TYW1B: variants seen among roughly 807,000 people sequenced by gnomAD.
TYW1B encodes the protein tRNA-yW synthesizing protein 1 homolog B.
TYW1B carries 73 observed loss-of-function variants against 86.9 expected under a neutral mutation model. The observed-to-expected ratio is 0.84, with a 90% CI of 0.70 to 1.02. The LOEUF is 1.02. Ranked by LOEUF, TYW1B falls within the 50% of genes least tolerant of loss-of-function variation. TYW1B has a pLI of 0.00. For synonymous variants in TYW1B, 248 were observed against 292.8 expected, an observed-to-expected ratio of 0.85 and a Z score of 1.56; for missense variants, 637 against 827.4, an observed-to-expected ratio of 0.77 and a Z score of 2.82.
intron 10 of TYW1B, among the ~76,000 whole-genome samples, chr7:72,703,052 T>C (rs1814527011): frequency 7.2e-6 from 1 of 139,530 alleles, no homozygotes; most frequent in Admixed American, 7.4e-5. Flanking sequence ...TGAGATGGAG[T>C]CTCGCTCTTT....
chr7:72,782,893 T>C (rs1554471860), intron 6 of TYW1B, among the ~76,000 whole-genome samples: 1 of 151,954 alleles, frequency 6.6e-6, no homozygotes, highest in East Asian at 1.9e-4. Flanking sequence ...AAGAAAAGAT[T>C]GGCTATAGAA....
intron 11 of TYW1B, among the ~76,000 whole-genome samples, chr7:72,686,964 A>G (rs1554449543): frequency 1.3e-5 from 2 of 152,210 alleles, no homozygotes; most frequent in Non-Finnish European, 2.9e-5. Flanking sequence ...TTGAAAAATA[A>G]TAATAACAAC....
intron 7 of TYW1B, among the ~76,000 whole-genome samples, chr7:72,754,715 G>A (rs1787558392): frequency 6.6e-6 from 1 of 152,138 alleles, no homozygotes; most frequent in African/African-American, 2.4e-5. Context: ...TGGGACTACA[G>A]GTGTGAGCCA....
At chr7:72,643,752 T>C (rs1325319796) in intron 11 of TYW1B, among the ~76,000 whole-genome samples, 1 of 152,182 alleles carries the variant, frequency 6.6e-6, no homozygotes, top group East Asian at 1.9e-4. Flanking sequence ...AAATGAAATG[T>C]ACAAAGTCTT....
intron 11 of TYW1B, among the ~76,000 whole-genome samples, chr7:72,665,186 A>T (rs1813431729): frequency 6.6e-6 from 1 of 152,210 alleles, no homozygotes; most frequent in Non-Finnish European, 1.5e-5. Context: ...GAGTTATGCA[A>T]ATAATTTTAA....
chr7:72,781,171 G>A lies in TYW1B; in HGVS notation c.847-3638C>T, dbSNP rs1350676745. ...CCCCAGGTTGTAGGTCAGGTAACTC[G>A]AGCACAGATGAACCCAGTGTGCCCA... On this transcript the variant is annotated intron_variant, in intron 6 of 13. Coordinates refer to ENST00000620995, the MANE Select transcript of TYW1B (RefSeq NM_001145440.3). Among the ~76,000 whole-genome samples, 5 of 152,114 alleles carry A rather than the reference G, an allele frequency of 3.3e-5. No homozygotes were observed. The South Asian group carries it at 8.3e-4, about 25-fold the overall frequency.
At chr7:72,679,002 T>C (rs1304016446) in intron 11 of TYW1B, among the ~76,000 whole-genome samples, 2 of 152,012 alleles carry the variant, frequency 1.3e-5, no homozygotes, top group African/African-American at 4.8e-5. Context: ...CTTGGGGGAC[T>C]GAGGTGGGAA....
intron 11 of TYW1B, among the ~76,000 whole-genome samples, chr7:72,692,400 A>C (rs1554450508): frequency 6.6e-6 from 1 of 151,958 alleles, no homozygotes; most frequent in Non-Finnish European, 1.5e-5. Flanking sequence ...CTGTGGTCCC[A>C]GTACTTGGGA....
chr7:72,628,221 T>C (rs1428600246), intron 12 of TYW1B, among the ~76,000 whole-genome samples: 1 of 152,190 alleles, frequency 6.6e-6, no homozygotes, highest in Non-Finnish European at 1.5e-5. Context: ...AGTTGGAGGC[T>C]GCAGTAAGCT....
intron 11 of TYW1B, among the ~76,000 whole-genome samples, chr7:72,649,180 CAA>C (rs1813003333): frequency 6.6e-6 from 1 of 152,020 alleles, no homozygotes; most frequent in African/African-American, 2.4e-5. Flanking sequence ...TGAGAATACT[CAA>C]AGAACGAATG....
At chr7:72,717,299 T>TG (rs201654201) in intron 9 of TYW1B, among the ~76,000 whole-genome samples, 5 of 146,844 alleles carry the variant, frequency 3.4e-5, no homozygotes, top group African/African-American at 1.3e-4. Context: ...AGACCCTGTC[T>TG]GGAAAAAAAA....
chr7:72,608,700 G>GCAAA (rs1392382355), intron 13 of TYW1B, among the ~76,000 whole-genome samples: 1 of 152,188 alleles, frequency 6.6e-6, no homozygotes, highest in African/African-American at 2.4e-5. Context: ...CATATACCAT[G>GCAAA]CAAACACTGA....
At chr7:72,647,699 T>C (rs1812962213) in intron 11 of TYW1B, among the ~76,000 whole-genome samples, 1 of 152,080 alleles carries the variant, frequency 6.6e-6, no homozygotes, top group African/African-American at 2.4e-5. Flanking sequence ...AACTTTTTTT[T>C]TTTTTGAGAC....
intron 6 of TYW1B, among the ~76,000 whole-genome samples, chr7:72,785,055 C>A (rs1392601120): frequency 6.6e-6 from 1 of 151,930 alleles, no homozygotes; most frequent in African/African-American, 2.4e-5. Flanking sequence ...CCCCTAACAC[C>A]CCACTCCCCC....
intron 13 of TYW1B, among the ~76,000 whole-genome samples, chr7:72,607,316 T>C (rs1375635770): frequency 6.8e-6 from 1 of 146,870 alleles, no homozygotes; most frequent in African/African-American, 2.5e-5. Context: ...TCACTTGAAC[T>C]CAGAGATGGA....
chr7:72,595,246 A>G (rs528026826), intron 13 of TYW1B, among the ~76,000 whole-genome samples: 1 of 152,246 alleles, frequency 6.6e-6, no homozygotes, highest in African/African-American at 2.4e-5. Flanking sequence ...AATTATAAAG[A>G]TTCAACCAAA....
intron 1 of TYW1B, 97 bp from the exon 2 acceptor site, chr7:72,827,082 A>G (rs1788946729): frequency 7.0e-7 from 1 of 1,431,416 alleles, no homozygotes; most frequent in Admixed American, 2.4e-5. Context: ...CCAACCTTAC[A>G]TTCAACAACC....
intron 7 of TYW1B, among the ~76,000 whole-genome samples, chr7:72,762,516 G>A (rs1787701417): frequency 6.6e-6 from 1 of 152,128 alleles, no homozygotes. Flanking sequence ...TAAAAGCCTA[G>A]AAAGCAATGT....
rs782009089 is a variant in TYW1B, at chr7:72,807,098, C to T, written c.691G>A (p.Glu231Lys). The T allele has an allele frequency of 1.9e-6, 3 of 1,614,158 alleles. No individual in the cohort carries two copies. The highest frequency in any genetic ancestry group is 2.5e-6 in the Non-Finnish European group (3 of 1,180,024). The change falls in exon 5 of 14, where the codon GAG becomes AAG. Residue 231 changes from glutamate (E) to lysine (K), a missense_variant. Physicochemically the swap from Glu to Lys is moderately conservative, Grantham distance 56 (BLOSUM62 1). Transcript: ENST00000620995. ...GSEEREEGSQ[E>K]QDELHHRDTK... ...TCTCTGTGATGCAATTCGTCCTGCT[C>T]TTGAGATCCTTCCTCCCTCTCCTCT...
Sources: gnomAD v4.1 joint callset for allele counts (sites outside exome capture counted in the v4.1 genomes callset) on GRCh38, gnomAD v4.1.1 for gene constraint, MANE v1.5 for transcripts, NCBI Gene and HGNC (gene_info 2026-07-23, HGNC 2026-07-21) for gene names.